FUT9: variants seen among roughly 807,000 people sequenced by gnomAD.
FUT9 encodes the protein fucosyltransferase 9.
FUT9 carries 15 observed loss-of-function variants against 29.7 expected under a neutral mutation model. The observed-to-expected ratio is 0.51, with a 90% CI of 0.34 to 0.78. FUT9 has a LOEUF of 0.78. FUT9 is among the 30% of genes least tolerant of loss of function. The pLI is 0.01. For synonymous variants in FUT9, 169 were observed against 153.7 expected (o/e 1.10, Z -0.74); for missense variants, 319 against 425.4 (o/e 0.75, Z 2.20).
chr6:96,178,581 A>G (rs4840232), intron 2 of FUT9, among the ~76,000 whole-genome samples: 55,851 of 152,094 alleles, frequency 0.37, 11,179 homozygotes, highest in South Asian at 0.57. Flanking sequence ...CTTCGTCTTT[A>G]GTCAACATAA....
intron 1 of FUT9, among the ~76,000 whole-genome samples, chr6:96,034,060 C>T (rs1202225877): frequency 6.6e-6 from 1 of 151,500 alleles, no homozygotes; most frequent in East Asian, 1.9e-4. Context: ...AAGCCCTATA[C>T]AGTGCTGGAT....
intron 2 of FUT9, among the ~76,000 whole-genome samples, chr6:96,169,156 A>AG (rs1338853134): frequency 6.6e-6 from 1 of 152,236 alleles, no homozygotes; most frequent in Non-Finnish European, 1.5e-5. Flanking sequence ...ACAGTGACTT[A>AG]CCAAGTAGTG....
In FUT9 at chr6:96,208,227, C is replaced by T. The variant is rs2127992916; in HGVS notation, c.*3992C>T. ...TGCCTCTGATATTTTTTTTGTCAGC[C>T]TATTTTTAAACTAGATTCCATGAGT... On this transcript the variant is annotated 3_prime_UTR_variant, in exon 3 of 3. Coordinates refer to ENST00000302103, the MANE Select transcript of FUT9 (RefSeq NM_006581.4). The T allele has an allele frequency of 6.0e-6, 1 of 165,998 alleles. No individual in the cohort carries two copies. The allele number at this position is 165,998 out of a possible 1,614,324, so 10.3% of individuals were successfully genotyped here. A position where few individuals can be genotyped will look rare whatever the true frequency, so the allele number is the denominator to read the frequency against.
At chr6:96,018,195 TA>T (rs1228666635) in intron 1 of FUT9, among the ~76,000 whole-genome samples, 3 of 152,104 alleles carry the variant, frequency 2.0e-5, no homozygotes, top group Admixed American at 1.3e-4. Flanking sequence ...CTCATTTGGG[TA>T]ACATTAGGGT....
intron 1 of FUT9, among the ~76,000 whole-genome samples, chr6:96,063,517 C>T (rs1006065638): frequency 2.0e-5 from 3 of 152,076 alleles, no homozygotes; most frequent in Non-Finnish European, 2.9e-5. Flanking sequence ...CAGGGGCATT[C>T]GGGGGCATGA....
chr6:96,093,301 T>C (rs973487257), intron 1 of FUT9, among the ~76,000 whole-genome samples: 1 of 152,190 alleles, frequency 6.6e-6, no homozygotes, highest in Non-Finnish European at 1.5e-5. Context: ...GTTTCTTTCA[T>C]AGGATTCTCT....
At chr6:96,164,175 GAA>G (rs1772967423) in intron 2 of FUT9, among the ~76,000 whole-genome samples, 1 of 150,550 alleles carries the variant, frequency 6.6e-6, no homozygotes, top group Non-Finnish European at 1.5e-5. Flanking sequence ...GCAATTGGAT[GAA>G]AGAGTTTCTC....
intron 2 of FUT9, among the ~76,000 whole-genome samples, chr6:96,129,742 TAC>T (rs1772206805): frequency 6.6e-6 from 1 of 152,118 alleles, no homozygotes; most frequent in African/African-American, 2.4e-5. Flanking sequence ...TTATTTTATA[TAC>T]ACTTGAATTA....
chr6:96,200,539 C>G (rs905690978), intron 2 of FUT9, among the ~76,000 whole-genome samples: 4 of 151,980 alleles, frequency 2.6e-5, no homozygotes, highest in African/African-American at 9.7e-5. Flanking sequence ...TGGCACAAGG[C>G]CTGGCTAAGG....
At position 96,122,897 on chromosome 6, in the gene FUT9, AT is replaced by A. The variant is rs1264925266; in HGVS notation, c.-9+8771del. Among the ~76,000 whole-genome samples the A allele has an allele frequency of 6.6e-5, 10 of 151,818 alleles. No homozygotes were observed. In the East Asian group the frequency reaches 2.0e-3, roughly 30 times the overall value. On this transcript the variant is annotated intron_variant, in intron 2 of 2. Coordinates refer to ENST00000302103, the MANE Select transcript of FUT9 (RefSeq NM_006581.4). ...CCGTCTCTACTAAAAATACAAAAAA[AT>A]AGCTGGGCGTGGCTAGCTGGGCATG...
intron 1 of FUT9, among the ~76,000 whole-genome samples, chr6:96,021,876 A>G (rs1328383357): frequency 6.6e-6 from 1 of 152,064 alleles, no homozygotes; most frequent in Non-Finnish European, 1.5e-5. Context: ...TACCTGAATT[A>G]TACTATAGTA....
At chr6:96,044,097 A>G (rs1770516145) in intron 1 of FUT9, among the ~76,000 whole-genome samples, 1 of 152,232 alleles carries the variant, frequency 6.6e-6, no homozygotes, top group Admixed American at 6.5e-5. Flanking sequence ...TGAAAGAACA[A>G]AAATACCATA....
intron 2 of FUT9, among the ~76,000 whole-genome samples, chr6:96,161,238 C>G (rs1772895175): frequency 6.6e-6 from 1 of 152,082 alleles, no homozygotes; most frequent in Non-Finnish European, 1.5e-5. Context: ...ATCATGAGTA[C>G]AGAGCTCTCC....
chr6:96,108,995 A>G (rs1208374289), intron 1 of FUT9, among the ~76,000 whole-genome samples: 1 of 152,194 alleles, frequency 6.6e-6, no homozygotes, highest in Non-Finnish European at 1.5e-5. Flanking sequence ...TAGAAAATGT[A>G]TGTTGAATTA....
chr6:96,068,162 AAG>A (rs1582207185), intron 1 of FUT9, among the ~76,000 whole-genome samples: 1 of 152,196 alleles, frequency 6.6e-6, no homozygotes, highest in Non-Finnish European at 1.5e-5. Flanking sequence ...CAGTTCTGGA[AAG>A]AGGGGACAGC....
intron 2 of FUT9, among the ~76,000 whole-genome samples, chr6:96,186,155 T>C (rs1230183022): frequency 1.3e-5 from 2 of 152,172 alleles, no homozygotes; most frequent in African/African-American, 4.8e-5. Flanking sequence ...ACTTTTCTCA[T>C]AATCTATACT....
chr6:96,102,793 A>G (rs1271230514), intron 1 of FUT9, among the ~76,000 whole-genome samples: 1 of 152,084 alleles, frequency 6.6e-6, no homozygotes, highest in Non-Finnish European at 1.5e-5. Flanking sequence ...TGCGTGTTTT[A>G]CCCCTGTATA....
chr6:96,151,405 C>T (rs1237163793), intron 2 of FUT9, among the ~76,000 whole-genome samples: 1 of 152,148 alleles, frequency 6.6e-6, no homozygotes, highest in African/African-American at 2.4e-5. Context: ...AGAAATTATA[C>T]TTGCCTTTCT....
intron 2 of FUT9, among the ~76,000 whole-genome samples, chr6:96,174,387 T>A (rs1024119716): frequency 1.3e-5 from 2 of 152,160 alleles, no homozygotes; most frequent in African/African-American, 2.4e-5. Context: ...GTTTTCCATC[T>A]ACATGGGGAC....
Sources: gnomAD v4.1 joint callset for allele counts (sites outside exome capture counted in the v4.1 genomes callset) on GRCh38, gnomAD v4.1.1 for gene constraint, MANE v1.5 for transcripts, NCBI Gene and HGNC (gene_info 2026-07-23, HGNC 2026-07-21) for gene names.